The following COL7A1 variants were observed in gnomAD, a reference collection of about 807,000 sequenced individuals.
COL7A1 encodes collagen type VII alpha 1 chain.
COL7A1 carries 296 observed loss-of-function variants against 456.2 expected under a neutral mutation model. The observed-to-expected ratio is 0.65, with a 90% CI of 0.59 to 0.71. COL7A1 has a LOEUF of 0.71. Among genes scored for constraint, COL7A1 ranks in the 30% least tolerant of loss-of-function variants. The pLI is 0.00. For missense variants in COL7A1, 3,441 were observed against 4,017.2 expected, an observed-to-expected ratio of 0.86 and a Z score of 3.88; for synonymous variants, 1,464 against 1,525.9, an observed-to-expected ratio of 0.96 and a Z score of 0.95.
chr3:48,591,351 G>A lies in COL7A1; in HGVS notation c.1636+113C>T. Reference sequence around the variant, plus strand: ...TGGGAAGCAGATGGATAACGAGACAGGGAGGAGACTATAGGGACCCAGGTG... The same window carrying A: ...TGGGAAGCAGATGGATAACGAGACAAGGAGGAGACTATAGGGACCCAGGTG... On this transcript the variant is annotated intron_variant, in intron 13 of 118. Coordinates refer to ENST00000681320, the MANE Select transcript of COL7A1 (RefSeq NM_000094.4). This position sits in a 1 kb window ranked among gnomAD's most constrained non-coding sequence, Gnocchi z 7.0. 1 of 1,414,648 alleles carries A rather than the reference G, an allele frequency of 7.1e-7. No homozygotes were observed. The highest frequency in any genetic ancestry group is 9.7e-7 in the Non-Finnish European group (1 of 1,027,878). The allele number at this position is 1,414,648 out of a possible 1,614,324, so 87.6% of individuals were successfully genotyped here. A position where few individuals can be genotyped will look rare whatever the true frequency, so the allele number is the denominator to read the frequency against.
chr3:48,574,312 G>A lies in COL7A1; in HGVS notation c.6457-6C>T, dbSNP rs768239091. 8 of 1,614,046 alleles carry A rather than the reference G, an allele frequency of 5.0e-6. No individual in the cohort carries two copies. The East Asian group carries it at 1.1e-4, about 22-fold the overall frequency. ...CCACGCTCTCCTGGTAGACCCTGCA[G>A]AGAATAGGTTTAAGGCCTTAGTTTC... On this transcript the variant is annotated splice_region_variant and splice_polypyrimidine_tract_variant and intron_variant, in intron 79 of 118. Coordinates refer to ENST00000681320, the MANE Select transcript of COL7A1 (RefSeq NM_000094.4). The surrounding 1 kb of genome is among the most constrained non-coding windows in gnomAD (Gnocchi z 5.0).
At position 48,581,984 on chromosome 3, in the gene COL7A1, G is replaced by C. The variant is rs749919304; in HGVS notation, c.4636-41C>G. On this transcript the variant is annotated intron_variant, in intron 47 of 118. Transcript: ENST00000681320. The surrounding 1 kb of genome is among the most constrained non-coding windows in gnomAD (Gnocchi z 5.8). ...ACAGATACAGCTTGGCCCTGCCTTG[G>C]GGTTGTATGATCAAAGTCTTCATTG... 3 of 1,613,808 alleles carry C rather than the reference G, an allele frequency of 1.9e-6. No homozygotes were observed. The highest frequency in any genetic ancestry group is 2.5e-6 in the Non-Finnish European group (3 of 1,179,902).
Position 48,571,071 on chromosome 3 carries a change from C to T in COL7A1, c.7164+30G>A, listed in dbSNP as rs756689084. 1.9e-5 allele frequency: 30 copies of T among 1,613,506 alleles called. No individual in the cohort carries two copies. In the Middle Eastern group the frequency reaches 1.6e-3, roughly 88 times the overall value. On this transcript the variant is annotated intron_variant, in intron 94 of 118. Transcript: ENST00000681320. This position sits in a 1 kb window ranked among gnomAD's most constrained non-coding sequence, Gnocchi z 4.6. ...TCCTGTGGGGGCCCGGCCTGCTGCC[C>T]CTACAACTGGTGATGGGGCATTGAC...
In COL7A1 at chr3:48,581,814, C is replaced by A; in HGVS notation, c.4669-55G>T. 1 of 1,613,574 alleles carries A rather than the reference C, an allele frequency of 6.2e-7. No individual in the cohort carries two copies. Among genetic ancestry groups the A allele is most frequent in the Non-Finnish European group, 8.5e-7 (1 of 1,179,546 alleles). On this transcript the variant is annotated intron_variant, in intron 48 of 118. Coordinates refer to ENST00000681320, the MANE Select transcript of COL7A1 (RefSeq NM_000094.4). The surrounding 1 kb of genome is among the most constrained non-coding windows in gnomAD (Gnocchi z 5.8). ...TCCCAGGCTCCAGTTAACCCCCTGACCCAGCAAGTCCTGTGACCCCCCAAG... is the reference window on the plus strand; with the variant it reads ...TCCCAGGCTCCAGTTAACCCCCTGAACCAGCAAGTCCTGTGACCCCCCAAG...
In COL7A1 at chr3:48,593,539, T is replaced by C; in HGVS notation, c.424A>G (p.Lys142Glu). 3 of 1,614,110 alleles carry C rather than the reference T, an allele frequency of 1.9e-6. No homozygotes were observed. The highest frequency in any genetic ancestry group is 2.5e-6 in the Non-Finnish European group (3 of 1,180,002). The change falls in exon 4 of 119, where the codon AAG becomes GAG. Residue 142 changes from lysine (K) to glutamate (E), a missense_variant and splice_region_variant. Lys to Glu is a moderately conservative substitution (Grantham distance 56, BLOSUM62 1). Transcript: ENST00000681320. This position sits in a 1 kb window ranked among gnomAD's most constrained non-coding sequence, Gnocchi z 4.4. ...LPQLARPGVP[K>E]VCILITDGKS... is the part of the protein sequence containing the mutation. ...GGCATGGTAGGGGTAGGGATCACCTTGGGGACACCAGGTCGGGCCAGCTGG... is the reference window on the plus strand; with the variant it reads ...GGCATGGTAGGGGTAGGGATCACCTCGGGGACACCAGGTCGGGCCAGCTGG...
Position 48,588,792 on chromosome 3 carries a change from G to A in COL7A1, c.2441-4C>T, listed in dbSNP as rs375549035. The stretch of plus-strand genomic sequence containing the variant: ...ATCTGGTGCCTCATGGGGCCGCCTG[G>A]CCAGGTGGGCATACAGCAATGGTTA... On this transcript the variant is annotated splice_region_variant and splice_polypyrimidine_tract_variant and intron_variant, in intron 19 of 118. Transcript: ENST00000681320. This position sits in a 1 kb window ranked among gnomAD's most constrained non-coding sequence, Gnocchi z 4.6. 1 of 1,613,682 alleles carries A rather than the reference G, an allele frequency of 6.2e-7. No individual in the cohort carries two copies. Among genetic ancestry groups the A allele is most frequent in the African/African-American group, 1.3e-5 (1 of 74,930 alleles).
chr3:48,575,843 A>AC lies in COL7A1; in HGVS notation c.5856+23dup, dbSNP rs2044263651. On this transcript the variant is annotated intron_variant, in intron 72 of 118. Transcript: ENST00000681320. The surrounding 1 kb of genome is among the most constrained non-coding windows in gnomAD (Gnocchi z 6.3). ...GCCCCAAGGGCCCCCACTTGTCCCT[A>AC]CCCCCAGCCCCTAAACAACCCACCT... The AC allele has an allele frequency of 5.6e-6, 9 of 1,613,616 alleles. No homozygotes were observed. The East Asian group carries it at 2.0e-4, about 36-fold the overall frequency.
rs533452438 is a variant in COL7A1 at position 48,588,858 on chromosome 3, A to C, written c.2440+12T>G. ...AGCCAGGAAGGACAGGGGTGGCGTC[A>C]GGGAGCCATACCTTCACTCCGGCCC... On this transcript the variant is annotated intron_variant, in intron 19 of 118. Coordinates refer to ENST00000681320, the MANE Select transcript of COL7A1 (RefSeq NM_000094.4). This position sits in a 1 kb window ranked among gnomAD's most constrained non-coding sequence, Gnocchi z 4.6. 1 of 1,613,242 alleles carries C rather than the reference A, an allele frequency of 6.2e-7. No homozygotes were observed. Among genetic ancestry groups the C allele is most frequent in the Non-Finnish European group, 8.5e-7 (1 of 1,179,996 alleles).
In COL7A1 at chr3:48,588,120, T is replaced by C. The variant is rs181589973; in HGVS notation, c.2710+162A>G. Among the ~76,000 whole-genome samples, 1 of 152,194 alleles carries C rather than the reference T, an allele frequency of 6.6e-6. No homozygotes were observed. Among genetic ancestry groups the C allele is most frequent in the African/African-American group, 2.4e-5 (1 of 41,516 alleles). ...GCCAGACTGACCCTCCATGAACTCA[T>C]TGATCCCACCCACTTCATTGATTGA... On this transcript the variant is annotated intron_variant, in intron 21 of 118. Coordinates refer to ENST00000681320, the MANE Select transcript of COL7A1 (RefSeq NM_000094.4). This position sits in a 1 kb window ranked among gnomAD's most constrained non-coding sequence, Gnocchi z 4.6.
Position 48,571,791 on chromosome 3 carries a change from C to T in COL7A1, c.7068+210G>A, listed in dbSNP as rs1298780736. The T allele has an allele frequency of 6.1e-6, 4 of 656,132 alleles. No individual in the cohort carries two copies. The Admixed American group carries it at 9.8e-5, about 16-fold the overall frequency. 40.6% of individuals were successfully genotyped at this position (656,132 alleles called of 1,614,324 possible). ...TGGTGAGAAACAGACCAAGGATGGG[C>T]ACACAGAAGCCAAGACAGGGCCCCC... On this transcript the variant is annotated intron_variant, in intron 92 of 118. Transcript: ENST00000681320. The surrounding 1 kb of genome is among the most constrained non-coding windows in gnomAD (Gnocchi z 4.6).
chr3:48,588,777 T>G lies in COL7A1; in HGVS notation c.2452A>C (p.Arg818=). Reference sequence around the variant, plus strand: ...GTGTTTCCTGGGAGTATCTGGTGCCTCATGGGGCCGCCTGGCCAGGTGGGC... The same window carrying G: ...GTGTTTCCTGGGAGTATCTGGTGCCGCATGGGGCCGCCTGGCCAGGTGGGC... The part of the protein sequence containing the change: ...AWGRSEGGPM[R]HQILPGNTDS... The change falls in exon 20 of 119, where the codon AGG becomes CGG. Residue 818 remains arginine (R), a synonymous_variant. Transcript: ENST00000681320. This position sits in a 1 kb window ranked among gnomAD's most constrained non-coding sequence, Gnocchi z 4.6. 6.2e-7 allele frequency: 1 copy of G among 1,613,880 alleles called. No homozygotes were observed.
At position 48,567,069 on chromosome 3, in the gene COL7A1, G is replaced by A; in HGVS notation, c.8110-46C>T. On this transcript the variant is annotated intron_variant, in intron 110 of 118. Transcript: ENST00000681320. The surrounding 1 kb of genome is among the most constrained non-coding windows in gnomAD (Gnocchi z 4.3). ...GTCAGTAATCAGAGGCCCCAGAGAT[G>A]GACCCTCTCCCAAAGTGCACGCTCC... 6.2e-7 allele frequency: 1 copy of A among 1,612,960 alleles called. No individual in the cohort carries two copies. Among genetic ancestry groups the A allele is most frequent in the Non-Finnish European group, 8.5e-7 (1 of 1,179,224 alleles).
rs1042258205 is a variant in COL7A1, at chr3:48,591,298, G to A, written c.1636+166C>T. 6.6e-6 allele frequency among the ~76,000 whole-genome samples: 1 copy of A among 152,144 alleles called. No homozygotes were observed. The highest frequency in any genetic ancestry group is 2.4e-5 in the African/African-American group (1 of 41,418). On this transcript the variant is annotated intron_variant, in intron 13 of 118. Transcript: ENST00000681320. The surrounding 1 kb of genome is among the most constrained non-coding windows in gnomAD (Gnocchi z 7.0). Reference sequence around the variant, plus strand: ...GGTAGGGTAGGGGCAGACACACCCTGTTGACAGTTCAGGGCTCAGTGCCAT... The same window carrying A: ...GGTAGGGTAGGGGCAGACACACCCTATTGACAGTTCAGGGCTCAGTGCCAT...
rs892952619 is a variant in COL7A1 at position 48,587,644 on chromosome 3, AT to A, written c.2858-91del. On this transcript the variant is annotated intron_variant, in intron 22 of 118. Transcript: ENST00000681320. The surrounding 1 kb of genome is among the most constrained non-coding windows in gnomAD (Gnocchi z 6.1). ...TGAGATCCTGGGTCCGGTTTGTCTT[AT>A]TGAAGCATCATGGGAGGTCATGCTG... The A allele has an allele frequency of 9.3e-6, 15 of 1,607,544 alleles. No individual in the cohort carries two copies. The highest frequency in any genetic ancestry group is 1.3e-5 in the Non-Finnish European group (15 of 1,175,270).
Position 48,591,859 on chromosome 3 carries a change from C to T in COL7A1, c.1358-37G>A, listed in dbSNP as rs1225248615. ...CAGGGTCAGACCAGCAGAGGCCATG[C>T]CCTGACCCTTGCCTGTCCATCCCTT... On this transcript the variant is annotated intron_variant, in intron 11 of 118. Transcript: ENST00000681320. This position sits in a 1 kb window ranked among gnomAD's most constrained non-coding sequence, Gnocchi z 7.0. The T allele has an allele frequency of 6.2e-7, 1 of 1,614,064 alleles. No homozygotes were observed. Among genetic ancestry groups the T allele is most frequent in the African/African-American group, 1.3e-5 (1 of 74,932 alleles).
rs748066277 is a variant in COL7A1, at chr3:48,586,653, G to A, written c.3313C>T (p.Leu1105=). ...LLSYSHRPSP[L]FPLNGSHDLG... ...TCATGGGAGCCATTCAGTGGGAACA[G>A]TGGGGAGGGCCGATGACTGTAAGAC... Residue 1105 remains leucine, a synonymous_variant, in exon 26 of 119, where the codon CTG becomes TTG. Coordinates refer to ENST00000681320, the MANE Select transcript of COL7A1 (RefSeq NM_000094.4). This position sits in a 1 kb window ranked among gnomAD's most constrained non-coding sequence, Gnocchi z 5.1. 6.2e-7 allele frequency: 1 copy of A among 1,612,078 alleles called. No individual in the cohort carries two copies. Among genetic ancestry groups the A allele is most frequent in the Non-Finnish European group, 8.5e-7 (1 of 1,179,258 alleles).
At position 48,566,703 on chromosome 3, in the gene COL7A1, C is replaced by T; in HGVS notation, c.8261G>A (p.Gly2754Glu). The T allele has an allele frequency of 1.2e-6, 2 of 1,614,084 alleles. No homozygotes were observed. The highest frequency in any genetic ancestry group is 2.2e-5 in the South Asian group (2 of 91,076). The change falls in exon 112 of 119, where the codon GGG (glycine) becomes GAG (glutamate). Residue 2754 changes from glycine (G) to glutamate (E), a missense_variant. Transcript: ENST00000681320. This position sits in a 1 kb window ranked among gnomAD's most constrained non-coding sequence, Gnocchi z 5.9. ...AGGAGCTCCAGGGACCCCAGGAGCC[C>T]CCACCACTCTCTCTCCGGGGGGACC... ...ERGPPGERVV[G>E]APGVPGAPGE...
Position 48,590,544 on chromosome 3 carries a change from C to G in COL7A1, c.1821G>C (p.Val607=), listed in dbSNP as rs753531772. 1.9e-6 allele frequency: 3 copies of G among 1,614,178 alleles called. No homozygotes were observed. Among genetic ancestry groups the G allele is most frequent in the Non-Finnish European group, 2.5e-6 (3 of 1,180,050 alleles). ...CCCTCACTCGCGTTGCATCTGACAC[C>G]ACAACCCGCAGCCCTGGAACAGCAA... ...TPLAVPGLRV[V]VSDATRVRVA... The change falls in exon 15 of 119, where the codon GTG becomes GTC. Residue 607 remains valine (V), a synonymous_variant. Transcript: ENST00000681320. The surrounding 1 kb of genome is among the most constrained non-coding windows in gnomAD (Gnocchi z 4.6).
chr3:48,566,834 G>T lies in COL7A1; in HGVS notation c.8226+73C>A. On this transcript the variant is annotated intron_variant, in intron 111 of 118. Coordinates refer to ENST00000681320, the MANE Select transcript of COL7A1 (RefSeq NM_000094.4). The surrounding 1 kb of genome is among the most constrained non-coding windows in gnomAD (Gnocchi z 5.9). ...CAGCTTCAGAGGTTGGGGCAGGCAGGCTGGAAGATGGTTATGAGGTTGGAA... is the reference window on the plus strand; with the variant it reads ...CAGCTTCAGAGGTTGGGGCAGGCAGTCTGGAAGATGGTTATGAGGTTGGAA... The T allele has an allele frequency of 1.9e-6, 3 of 1,581,392 alleles. No individual in the cohort carries two copies. The highest frequency in any genetic ancestry group is 2.6e-6 in the Non-Finnish European group (3 of 1,155,632).
Sources: gnomAD v4.1 joint callset for allele counts (sites outside exome capture counted in the v4.1 genomes callset) on GRCh38, gnomAD v4.1.1 for gene constraint, Gnocchi (gnomAD v3.1) non-coding constraint, MANE v1.5 for transcripts, NCBI Gene and HGNC (gene_info 2026-07-23, HGNC 2026-07-21) for gene names.